The following RIMS1 variants were observed in gnomAD, a reference collection of about 807,000 sequenced individuals.
RIMS1 encodes the protein regulating synaptic membrane exocytosis protein 1.
Under a neutral mutation model 214.1 loss-of-function variants are expected in RIMS1, and 83 were observed. That is an observed-to-expected ratio of 0.39 (90% CI 0.32 to 0.47). RIMS1 has a LOEUF of 0.47. Ranked by LOEUF, RIMS1 falls within the 20% of genes least tolerant of loss-of-function variation. RIMS1 has a pLI of 0.99. For synonymous variants in RIMS1, 793 were observed against 786.8 expected, an observed-to-expected ratio of 1.01 and a Z score of -0.13; for missense variants, 2,050 against 2,161.8, an observed-to-expected ratio of 0.95 and a Z score of 1.03.
At chr6:72,289,689 G>A (rs904304085) in intron 24 of RIMS1, among the ~76,000 whole-genome samples, 7 of 152,088 alleles carry the variant, frequency 4.6e-5, no homozygotes, top group African/African-American at 1.7e-4. Context: ...CTGAATAGAA[G>A]TTGAATGACA....
Position 72,374,220 on chromosome 6 carries a change from C to T in RIMS1, c.4367-16378C>T, listed in dbSNP as rs557488570. Among the ~76,000 whole-genome samples the T allele has an allele frequency of 1.1e-3, 164 of 152,160 alleles. 2 individuals are homozygous for T. The highest frequency in any genetic ancestry group is 1.8e-3 in the Non-Finnish European group (122 of 67,966). ...GAGCCACTGCGCCTGGCCCTAAAGA[C>T]CTAATGTTTTTAATACTTCATTGTA... On this transcript the variant is annotated intron_variant, in intron 29 of 33. Transcript: ENST00000521978.
chr6:72,261,347 C>A, intron 19 of RIMS1: 1 of 988,374 alleles, frequency 1.0e-6, no homozygotes, highest in Non-Finnish European at 1.2e-6. Flanking sequence ...GTCAGAAATG[C>A]TGCAGTACAA....
At chr6:72,145,314 A>G (rs976778505) in intron 4 of RIMS1, among the ~76,000 whole-genome samples, 3 of 152,132 alleles carry the variant, frequency 2.0e-5, no homozygotes, top group Non-Finnish European at 4.4e-5. Flanking sequence ...TCCTGGGCCT[A>G]TTAGAAAGTG....
intron 26 of RIMS1, among the ~76,000 whole-genome samples, chr6:72,306,815 T>C (rs1437416271): frequency 2.0e-5 from 3 of 152,140 alleles, no homozygotes; most frequent in Non-Finnish European, 4.4e-5. Context: ...GTGACTACTG[T>C]TAGCTGAGGG....
chr6:72,353,513 G>A (rs980446270), intron 29 of RIMS1, among the ~76,000 whole-genome samples: 4 of 152,148 alleles, frequency 2.6e-5, no homozygotes, highest in Non-Finnish European at 5.9e-5. Flanking sequence ...AACATAGACT[G>A]CATAAAGCTT....
chr6:72,243,274 C>T (rs996016194), intron 10 of RIMS1, among the ~76,000 whole-genome samples: 3 of 151,428 alleles, frequency 2.0e-5, no homozygotes, highest in African/African-American at 7.3e-5. Flanking sequence ...GTATCGGCCT[C>T]ATGAATATAT....
At chr6:72,063,354 G>T (rs1828423508) in intron 2 of RIMS1, among the ~76,000 whole-genome samples, 2 of 152,200 alleles carry the variant, frequency 1.3e-5, no homozygotes, top group African/African-American at 2.4e-5. Context: ...CCCCAGTGAA[G>T]TAGAGGAAGG....
At chr6:72,310,824 C>A (rs1459833968) in intron 27 of RIMS1, among the ~76,000 whole-genome samples, 2 of 152,014 alleles carry the variant, frequency 1.3e-5, no homozygotes, top group Non-Finnish European at 2.9e-5. Context: ...AAGTATTTCA[C>A]TTTCTTCAAA....
chr6:72,104,500 G>T (rs1027917205), intron 4 of RIMS1, among the ~76,000 whole-genome samples: 2 of 152,136 alleles, frequency 1.3e-5, no homozygotes, highest in African/African-American at 4.8e-5. Context: ...ACTTATAATG[G>T]AGCTTCTGCA....
chr6:71,908,518 G>A (rs1775941073), intron 1 of RIMS1, among the ~76,000 whole-genome samples: 2 of 152,172 alleles, frequency 1.3e-5, no homozygotes, highest in Admixed American at 6.5e-5. Context: ...CTCCTTCTTA[G>A]AGAGCCTTCC....
chr6:71,906,691 A>C (rs1476426919), intron 1 of RIMS1, among the ~76,000 whole-genome samples: 1 of 152,124 alleles, frequency 6.6e-6, no homozygotes, highest in African/African-American at 2.4e-5. Context: ...CTGGGTTCGA[A>C]TCCTGAGATC....
intron 2 of RIMS1, among the ~76,000 whole-genome samples, chr6:71,972,040 C>T (rs973968407): frequency 2.5e-4 from 38 of 151,878 alleles, no homozygotes; most frequent in African/African-American, 8.7e-4. Context: ...GACATCACCA[C>T]AGGATACATA....
chr6:72,099,087 G>T (rs535326815), intron 3 of RIMS1, among the ~76,000 whole-genome samples: 32 of 152,214 alleles, frequency 2.1e-4, no homozygotes, highest in African/African-American at 1.9e-4. Flanking sequence ...ACAATGAGGC[G>T]CAGATCAGCT....
intron 23 of RIMS1, among the ~76,000 whole-genome samples, chr6:72,281,689 CT>C (rs2154214642): frequency 6.6e-6 from 1 of 152,016 alleles, no homozygotes; most frequent in East Asian, 1.9e-4. Flanking sequence ...TCCTGAGATA[CT>C]TTTTCTCTAA....
chr6:72,100,037 C>G, intron 4 of RIMS1, 51 bp downstream of exon 4: 6 of 1,445,480 alleles, frequency 4.2e-6, no homozygotes, highest in Non-Finnish European at 5.8e-6. Context: ...TTGTTGTGAA[C>G]TTTATTAAGT....
intron 2 of RIMS1, among the ~76,000 whole-genome samples, chr6:72,029,292 A>G (rs957249216): frequency 4.6e-5 from 7 of 152,218 alleles, no homozygotes; most frequent in South Asian, 2.1e-4. Flanking sequence ...GTAGCTCTCC[A>G]TATAATTTTC....
intron 2 of RIMS1, among the ~76,000 whole-genome samples, chr6:72,044,539 CT>C (rs1323907239): frequency 1.3e-5 from 2 of 151,908 alleles, no homozygotes; most frequent in East Asian, 1.9e-4. Flanking sequence ...AACGACCCCC[CT>C]GATAATGGGC....
intron 29 of RIMS1, among the ~76,000 whole-genome samples, chr6:72,347,198 C>T (rs557449305): frequency 6.6e-6 from 1 of 151,942 alleles, no homozygotes; most frequent in Non-Finnish European, 1.5e-5. Context: ...AAAATTGATA[C>T]CTGGCTTAGC....
intron 2 of RIMS1, among the ~76,000 whole-genome samples, chr6:72,045,070 G>A (rs1585569640): frequency 6.6e-6 from 1 of 151,862 alleles, no homozygotes; most frequent in African/African-American, 2.4e-5. Context: ...TATCAAAAAC[G>A]TCATGCTAAG....
Sources: allele counts gnomAD v4.1 joint callset (sites outside exome capture counted in the v4.1 genomes callset), GRCh38; gene constraint gnomAD v4.1.1; transcripts MANE v1.5; gene names NCBI Gene and HGNC (gene_info 2026-07-23, HGNC 2026-07-21).